Variants in GPR55 observed in about 807,000 individuals in gnomAD.
GPR55 encodes G protein-coupled receptor 55.
GPR55 carries 6 observed loss-of-function variants against 7.9 expected under a neutral mutation model. The ratio of observed to expected loss-of-function variants is 0.76; its 90% CI spans 0.41 to 1.49. The LOEUF (loss-of-function observed/expected upper bound fraction) is 1.49. Among genes scored for constraint, GPR55 ranks in the 40% most tolerant of loss-of-function variants. The probability of loss-of-function intolerance (pLI) is 0.01; values close to 1 mark genes in which losing one functional copy is unlikely to be tolerated. For missense variants in GPR55, 376 were observed against 406.0 expected, an observed-to-expected ratio of 0.93 and a Z score of 0.63; for synonymous variants, 183 against 166.8, an observed-to-expected ratio of 1.10 and a Z score of -0.75.
Position 230,944,614 on chromosome 2 carries a change from G to A in GPR55, c.-135+16161C>T, listed in dbSNP as rs1453751577. Reference sequence around the variant, plus strand: ...ACAGTGACGTCCTACAGCATGATTTGCTTTAACTGAAGGTGAAGAGAATCT... The same window carrying A: ...ACAGTGACGTCCTACAGCATGATTTACTTTAACTGAAGGTGAAGAGAATCT... On this transcript the variant is annotated intron_variant, in intron 1 of 1. Transcript: ENST00000392039. The surrounding 1 kb of genome is among the most constrained non-coding windows in gnomAD (Gnocchi z 4.2). Among the ~76,000 whole-genome samples the A allele has an allele frequency of 1.3e-5, 2 of 152,162 alleles. No homozygotes were observed. Among genetic ancestry groups the A allele is most frequent in the African/African-American group, 4.8e-5 (2 of 41,436 alleles).
chr2:230,923,915 C>T lies in GPR55; in HGVS notation c.-135+1253G>A, dbSNP rs1173686111. ...GCCAAGCCCCCTCCTCACTTCTTTG[C>T]ATGCTCATGCTCCTCTTTCTCCTTG... On this transcript the variant is annotated intron_variant, in intron 1 of 1. Transcript: ENST00000650999. The surrounding 1 kb of genome is among the most constrained non-coding windows in gnomAD (Gnocchi z 4.1). Among the ~76,000 whole-genome samples, 1 of 152,026 alleles carries T rather than the reference C, an allele frequency of 6.6e-6. No individual in the cohort carries two copies. The highest frequency in any genetic ancestry group is 1.5e-5 in the Non-Finnish European group (1 of 68,006).
chr2:230,919,485 G>A (rs1690787849), intron 1 of GPR55, among the ~76,000 whole-genome samples: 1 of 152,120 alleles, frequency 6.6e-6, no homozygotes, highest in African/African-American at 2.4e-5. Context: ...GTTCCCAGAA[G>A]AGGATTTACA....
Position 230,910,151 on chromosome 2 carries a change from T to C in GPR55, c.812A>G (p.Gln271Arg), listed in dbSNP as rs375171764. Residue 271 changes from glutamine to arginine, a missense_variant, in exon 2 of 2, where the codon CAA becomes CGA. Physicochemically the swap from Gln to Arg is conservative, Grantham distance 43. Transcript: ENST00000650999. This position sits in a 1 kb window ranked among gnomAD's most constrained non-coding sequence, Gnocchi z 5.4. ...GACGTTGGAGAAACACATGGACAAT[T>C]GCAAGAAGAAGCTGATGCTCTGCTT... The part of the protein sequence containing the change: ...RAKQSISFFL[Q>R]LSMCFSNVNC... 2.2e-5 allele frequency: 36 copies of C among 1,614,006 alleles called. No individual in the cohort carries two copies. Among genetic ancestry groups the C allele is most frequent in the Non-Finnish European group, 2.9e-5 (34 of 1,180,000 alleles).
intron 1 of GPR55, among the ~76,000 whole-genome samples, chr2:230,916,226 A>AT (rs892022267): frequency 6.6e-5 from 10 of 151,636 alleles, no homozygotes; most frequent in Non-Finnish European, 1.2e-4. Flanking sequence ...AGAAAAAAAA[A>AT]TTTTTTTTAG....
At chr2:230,932,964 C>T (rs1691072502) in intron 1 of GPR55, among the ~76,000 whole-genome samples, 2 of 152,242 alleles carry the variant, frequency 1.3e-5, no homozygotes, top group Admixed American at 6.5e-5. Context: ...CCGGACTGAA[C>T]TCTGACTTCA....
chr2:230,917,391 C>T (rs931800732), intron 1 of GPR55, among the ~76,000 whole-genome samples: 1 of 151,858 alleles, frequency 6.6e-6, no homozygotes, highest in East Asian at 1.9e-4. Flanking sequence ...TTTTCTCAAG[C>T]AGCCAAAAAA....
chr2:230,922,819 C>T (rs996271083), intron 1 of GPR55, among the ~76,000 whole-genome samples: 1 of 152,120 alleles, frequency 6.6e-6, no homozygotes, highest in African/African-American at 2.4e-5. Flanking sequence ...AGGTGATCCA[C>T]CTGCCTCCCA....
At chr2:230,952,120 C>T (rs950248589) in intron 1 of GPR55, among the ~76,000 whole-genome samples, 7 of 152,028 alleles carry the variant, frequency 4.6e-5, no homozygotes, top group Non-Finnish European at 8.8e-5. Context: ...AAGATAGAGA[C>T]GACATGGTCA....
At chr2:230,958,275 A>C (rs1691521834) in intron 1 of GPR55, among the ~76,000 whole-genome samples, 1 of 152,208 alleles carries the variant, frequency 6.6e-6, no homozygotes, top group South Asian at 2.1e-4. Flanking sequence ...TTATGGGTAC[A>C]ATGTAGGTGT....
chr2:230,916,887 G>A (rs1023300625), intron 1 of GPR55, among the ~76,000 whole-genome samples: 5 of 152,148 alleles, frequency 3.3e-5, no homozygotes, highest in Non-Finnish European at 7.4e-5. Flanking sequence ...ACAACAATAA[G>A]TGTGAAAAAA....
At chr2:230,922,303 G>T (rs902392010) in intron 1 of GPR55, among the ~76,000 whole-genome samples, 1 of 152,124 alleles carries the variant, frequency 6.6e-6, no homozygotes, top group South Asian at 2.1e-4. Context: ...CTCTGCTTGG[G>T]GGTTTCCGTC....
At chr2:230,922,900 T>A (rs113789582) in intron 1 of GPR55, among the ~76,000 whole-genome samples, 11,225 of 151,916 alleles carry the variant, frequency 0.074, 526 homozygotes, top group South Asian at 0.17. Flanking sequence ...GACAAGGTCT[T>A]ACTGTGTTGC....
At chr2:230,932,565 A>G (rs1043350316) in intron 1 of GPR55, among the ~76,000 whole-genome samples, 1 of 152,242 alleles carries the variant, frequency 6.6e-6, no homozygotes, top group Non-Finnish European at 1.5e-5. Flanking sequence ...GAATGTTTAT[A>G]TGATAAAGGT....
Position 230,907,913 on chromosome 2 carries a change from C to T in GPR55, c.*2090G>A, listed in dbSNP as rs1690490372. The T allele has an allele frequency of 6.6e-6, 1 of 152,192 alleles. No homozygotes were observed. Among genetic ancestry groups the T allele is most frequent in the Non-Finnish European group, 1.5e-5 (1 of 68,028 alleles). The allele number at this position is 152,192 out of a possible 1,614,324, so 9.4% of individuals were successfully genotyped here. ...ACATGACGGGCATCACTCAACTCCA[C>T]CAGGCAGGCTCCCAACTCCTCGTGC... On this transcript the variant is annotated 3_prime_UTR_variant, in exon 2 of 2. Transcript: ENST00000650999.
At chr2:230,918,932 T>G (rs137879075) in intron 1 of GPR55, among the ~76,000 whole-genome samples, 1 of 152,160 alleles carries the variant, frequency 6.6e-6, no homozygotes, top group Non-Finnish European at 1.5e-5. Context: ...GACATTCTTG[T>G]TGAAATCAGA....
intron 1 of GPR55, among the ~76,000 whole-genome samples, chr2:230,934,953 C>T (rs142040323): frequency 8.9e-4 from 136 of 152,178 alleles, no homozygotes; most frequent in African/African-American, 2.9e-3. Flanking sequence ...CTGCTGACTG[C>T]GCCCAGGGTG....
intron 1 of GPR55, among the ~76,000 whole-genome samples, chr2:230,918,619 G>T (rs1690766717): frequency 6.6e-6 from 1 of 152,054 alleles, no homozygotes. Flanking sequence ...AGACAGACTT[G>T]CTCAAATACA....
Position 230,907,618 on chromosome 2 carries a change from TCA to T in GPR55, c.*2383_*2384del, listed in dbSNP as rs1690479499. ...GGGCACACCCACAGGTCCATAGTTG[TCA>T]CATCACACTGAGACTGCTGATACCC... On this transcript the variant is annotated 3_prime_UTR_variant, in exon 2 of 2. Coordinates refer to ENST00000650999, the MANE Select transcript of GPR55 (RefSeq NM_005683.4). 6.6e-6 allele frequency: 1 copy of T among 152,260 alleles called. No individual in the cohort carries two copies. Among genetic ancestry groups the T allele is most frequent in the South Asian group, 2.1e-4 (1 of 4,826 alleles). The allele number at this position is 152,260 out of a possible 1,614,324, so 9.4% of individuals were successfully genotyped here. A position where few individuals can be genotyped will look rare whatever the true frequency, so the allele number is the denominator to read the frequency against.
chr2:230,947,246 G>A lies in GPR55; in HGVS notation c.-135+13529C>T, dbSNP rs902994371. ...ACCAGAGTTTTGTTGGTTATGGGGCGATCTTACTGAAGTTGGTTAGGTGTG... is the reference window on the plus strand; with the variant it reads ...ACCAGAGTTTTGTTGGTTATGGGGCAATCTTACTGAAGTTGGTTAGGTGTG... On this transcript the variant is annotated intron_variant, in intron 1 of 1. Transcript: ENST00000392039. 5.3e-5 allele frequency among the ~76,000 whole-genome samples: 8 copies of A among 152,178 alleles called. No homozygotes were observed. The East Asian group carries it at 1.2e-3, about 22-fold the overall frequency.
Sources: allele counts gnomAD v4.1 joint callset (sites outside exome capture counted in the v4.1 genomes callset), GRCh38; gene constraint gnomAD v4.1.1; non-coding constraint Gnocchi (gnomAD v3.1); transcripts MANE v1.5; gene names NCBI Gene and HGNC (gene_info 2026-07-23, HGNC 2026-07-21).